The following TP63 variants were observed in gnomAD, a reference collection of about 807,000 sequenced individuals.
TP63 encodes the protein tumor protein 63.
A neutral mutation model predicts 82.8 loss-of-function variants in TP63; 17 were observed. That is an observed-to-expected ratio of 0.21 (90% CI 0.14 to 0.31). The LOEUF (loss-of-function observed/expected upper bound fraction) is 0.31. Among genes scored for constraint, TP63 ranks in the 10% least tolerant of loss-of-function variants. The probability of loss-of-function intolerance (pLI) is 1.00; values close to 1 mark genes in which losing one functional copy is unlikely to be tolerated. For synonymous variants in TP63, 330 were observed against 321.7 expected (o/e 1.03, Z -0.28); for missense variants, 648 against 895.3 (o/e 0.72, Z 3.52).
intron 1 of TP63, among the ~76,000 whole-genome samples, chr3:189,658,946 G>A (rs9647365): frequency 0.05 from 7,676 of 152,066 alleles, 240 homozygotes; most frequent in South Asian, 0.097. Context: ...ACTAATATAT[G>A]ATGTTAATAA....
chr3:189,829,162 T>G (rs1342767943), intron 4 of TP63, among the ~76,000 whole-genome samples: 1 of 152,224 alleles, frequency 6.6e-6, no homozygotes, highest in Non-Finnish European at 1.5e-5. Context: ...GATACCATAT[T>G]ACCAAATCTA....
At chr3:189,680,187 T>C (rs761584392) in intron 1 of TP63, among the ~76,000 whole-genome samples, 8 of 152,142 alleles carry the variant, frequency 5.3e-5, no homozygotes, top group Non-Finnish European at 1.0e-4. Flanking sequence ...ATCTTTTGGG[T>C]GTTTGGATAT....
chr3:189,632,508 C>T (rs963045915), intron 1 of TP63, among the ~76,000 whole-genome samples: 10 of 152,148 alleles, frequency 6.6e-5, no homozygotes, highest in East Asian at 3.9e-4. Flanking sequence ...TTTGCTACAA[C>T]GTAGAACACT....
At chr3:189,813,458 T>C (rs890550305) in intron 4 of TP63, among the ~76,000 whole-genome samples, 1 of 152,178 alleles carries the variant, frequency 6.6e-6, no homozygotes, top group Admixed American at 6.5e-5. Context: ...CCTCTAGTGA[T>C]GAGGCTTCTT....
At chr3:189,870,748 G>A (rs1231728904) in intron 9 of TP63, among the ~76,000 whole-genome samples, 2 of 152,190 alleles carry the variant, frequency 1.3e-5, no homozygotes, top group Non-Finnish European at 2.9e-5. Flanking sequence ...TCTTTGCCAT[G>A]TAGGGTGGCA....
At chr3:189,860,801 G>A (rs1201974926) in intron 4 of TP63, among the ~76,000 whole-genome samples, 2 of 152,094 alleles carry the variant, frequency 1.3e-5, no homozygotes, top group African/African-American at 4.8e-5. Context: ...TACCACACTG[G>A]GAATATCACT....
At chr3:189,847,357 T>A (rs1715022885) in intron 4 of TP63, among the ~76,000 whole-genome samples, 1 of 152,158 alleles carries the variant, frequency 6.6e-6, no homozygotes, top group African/African-American at 2.4e-5. Context: ...AGCTCAGTCT[T>A]AGAATAACAA....
At position 189,751,468 on chromosome 3, in the gene TP63, C is replaced by T. The variant is rs535832575; in HGVS notation, c.324+12694C>T. On this transcript the variant is annotated intron_variant, in intron 3 of 13. Coordinates refer to ENST00000264731, the MANE Select transcript of TP63 (RefSeq NM_003722.5). ...GATAGCATTCCTATTTCTCCACATCCTCTCCAGCATCTGTTGTTTCCTGAC... is the reference window on the plus strand; with the variant it reads ...GATAGCATTCCTATTTCTCCACATCTTCTCCAGCATCTGTTGTTTCCTGAC... Among the ~76,000 whole-genome samples, 51 of 152,320 alleles carry T rather than the reference C, an allele frequency of 3.3e-4. No homozygotes were observed. The South Asian group carries it at 0.01, about 31-fold the overall frequency.
rs118116136 is a variant in TP63 at position 189,885,192 on chromosome 3, T to C, written c.1350-1202T>C. Among the ~76,000 whole-genome samples the C allele has an allele frequency of 1.3e-3, 193 of 152,344 alleles. 7 individuals carry two copies. The East Asian group carries it at 0.035, about 28-fold the overall frequency. ...AGTTTTCCCATAACAGACTAGACAC[T>C]TGCTTAAAGTCCAGTCTTCATTCTG... is the stretch of plus-strand genomic sequence containing the variant. On this transcript the variant is annotated intron_variant, in intron 10 of 13. Coordinates refer to ENST00000264731, the MANE Select transcript of TP63 (RefSeq NM_003722.5).
rs529037381 is a variant in TP63, at chr3:189,660,814, G to A, written c.62+29237G>A. Among the ~76,000 whole-genome samples the A allele has an allele frequency of 7.6e-4, 111 of 146,104 alleles. 1 individual carries two copies. Among genetic ancestry groups the A allele is most frequent in the Middle Eastern group, 6.8e-3 (2 of 292 alleles). Reference sequence around the variant, plus strand: ...TAGATGTAGTCCTAGGTATTTTTGTGTGTGTTCCTATTGTAAATGGGATTG... The same window carrying A: ...TAGATGTAGTCCTAGGTATTTTTGTATGTGTTCCTATTGTAAATGGGATTG... On this transcript the variant is annotated intron_variant, in intron 1 of 13. Coordinates refer to ENST00000264731, the MANE Select transcript of TP63 (RefSeq NM_003722.5).
intron 4 of TP63, among the ~76,000 whole-genome samples, chr3:189,817,755 A>G (rs572764403): frequency 6.6e-6 from 1 of 152,114 alleles, no homozygotes; most frequent in Admixed American, 6.5e-5. Flanking sequence ...CTGATGTAAA[A>G]GAGTTTCTTC....
chr3:189,617,618 G>T, the TP63 span, among the ~76,000 whole-genome samples: 3,517 of 152,216 alleles, frequency 0.023, 142 homozygotes, highest in African/African-American at 0.08. Context: ...TACTTACCCC[G>T]TTCAACATTC....
chr3:189,605,982 T>A, the TP63 span, among the ~76,000 whole-genome samples: 1 of 152,182 alleles, frequency 6.6e-6, no homozygotes, highest in Non-Finnish European at 1.5e-5. Context: ...CTTCCTGCCA[T>A]AACACTGTGG....
chr3:189,754,875 T>G (rs1722072738), intron 3 of TP63, among the ~76,000 whole-genome samples: 1 of 152,128 alleles, frequency 6.6e-6, no homozygotes, highest in South Asian at 2.1e-4. Flanking sequence ...AGTTCCCTAC[T>G]TTTCCCCCAT....
chr3:189,863,875 CTCT>C (rs1717360291), intron 4 of TP63, among the ~76,000 whole-genome samples: 1 of 152,162 alleles, frequency 6.6e-6, no homozygotes, highest in Non-Finnish European at 1.5e-5. Context: ...CATGCCAATA[CTCT>C]TCTTTCACTT....
intron 13 of TP63, 69 bp from the exon 14 acceptor site, chr3:189,894,137 A>C (rs552849688): frequency 6.3e-7 from 1 of 1,577,986 alleles, no homozygotes; most frequent in Admixed American, 1.7e-5. Flanking sequence ...GAATGATAGG[A>C]TGCTGTGGAC....
At chr3:189,881,272 T>C (rs1560296436) in intron 10 of TP63, 2 of 985,332 alleles carry the variant, frequency 2.0e-6, no homozygotes, top group Non-Finnish European at 2.4e-6. Flanking sequence ...CTACTTTTCT[T>C]TTTTTTACTC....
rs1403304957 is a variant in TP63 at position 189,889,402 on chromosome 3, G to A, written c.1570G>A (p.Ala524Thr). 3 of 1,613,990 alleles carry A rather than the reference G, an allele frequency of 1.9e-6. No individual in the cohort carries two copies. Among genetic ancestry groups the A allele is most frequent in the South Asian group, 2.2e-5 (2 of 91,078 alleles). Reference sequence around the variant, plus strand: ...CATGAATGGACTCAGCCCCACCCAGGCACTCCCTCCCCCACTCTCCATGCC... The same window carrying A: ...CATGAATGGACTCAGCCCCACCCAGACACTCCCTCCCCCACTCTCCATGCC... ...GDMNGLSPTQALPPPLSMPST... is the reference protein window; with the variant it reads ...GDMNGLSPTQTLPPPLSMPST... Residue 524 changes from alanine to threonine, a missense_variant, in exon 12 of 14, where the codon GCA becomes ACA. Physicochemically the swap from Ala to Thr is moderately conservative, Grantham distance 58. Coordinates refer to ENST00000264731, the MANE Select transcript of TP63 (RefSeq NM_003722.5).
At position 189,738,658 on chromosome 3, in the gene TP63, C is replaced by G. The variant is rs2108796771; in HGVS notation, c.208C>G (p.Gln70Glu). Residue 70 changes from glutamine (Q) to glutamate (E), a missense_variant, in exon 3 of 14, where the codon CAG (glutamine) becomes GAG (glutamate). Physicochemically the swap from Gln to Glu is conservative, Grantham distance 29. Coordinates refer to ENST00000264731, the MANE Select transcript of TP63 (RefSeq NM_003722.5). ...ATGTGTTAGGCCTATATGTTCAGTT[C>G]AGCCCATTGACTTGAACTTTGTGGA... ...DFLEQPICSV[Q>E]PIDLNFVDEP... 2 of 1,614,092 alleles carry G rather than the reference C, an allele frequency of 1.2e-6. No individual in the cohort carries two copies. The highest frequency in any genetic ancestry group is 2.2e-5 in the South Asian group (2 of 91,078).
Sources: allele counts gnomAD v4.1 joint callset (sites outside exome capture counted in the v4.1 genomes callset), GRCh38; gene constraint gnomAD v4.1.1; transcripts MANE v1.5; gene names NCBI Gene and HGNC (gene_info 2026-07-23, HGNC 2026-07-21).